ELF4: variants seen among roughly 807,000 people sequenced by gnomAD.
The protein encoded by ELF4 is E74 like ETS transcription factor 4, also known as ETS-related transcription factor Elf-4.
A neutral mutation model predicts 31.7 loss-of-function variants in ELF4; 10 were observed. The observed-to-expected ratio is 0.32, with a 90% confidence interval of 0.19 to 0.54. The LOEUF (loss-of-function observed/expected upper bound fraction) is 0.54. ELF4 is among the 20% of genes least tolerant of loss of function. The pLI is 0.95. For missense variants in ELF4, 418 were observed against 522.0 expected (o/e 0.80, Z 1.94); for synonymous variants, 208 against 226.7 (o/e 0.92, Z 0.74).
At chrX:130,078,760 TCTAC>T (rs750951624) in intron 2 of ELF4, among the ~76,000 whole-genome samples, 24 of 76,450 alleles carry the variant, frequency 3.1e-4, no homozygotes, top group Non-Finnish European at 5.5e-4. Flanking sequence ...TCTCTCTCTC[TCTAC>T]ACACACACAC....
At chrX:130,068,303 C>A (rs1405453098) in intron 8 of ELF4, among the ~76,000 whole-genome samples, 1 of 112,026 alleles carries the variant, frequency 8.9e-6, no homozygotes, top group Non-Finnish European at 1.9e-5. Flanking sequence ...ACCAGCCATA[C>A]CTATGTTATC....
At chrX:130,068,645 T>C (rs1008349344) in intron 8 of ELF4, among the ~76,000 whole-genome samples, 27 of 112,768 alleles carry the variant, frequency 2.4e-4, no homozygotes, top group African/African-American at 8.4e-4. Flanking sequence ...TGAGAAGTAG[T>C]TGGAGCTAGC....
chrX:130,088,036 G>A (rs1214930395), intron 1 of ELF4, among the ~76,000 whole-genome samples: 1 of 110,908 alleles, frequency 9.0e-6, no homozygotes, highest in African/African-American at 3.3e-5. Context: ...TATGGAAAGC[G>A]ACTGTGAGTT....
intron 1 of ELF4, among the ~76,000 whole-genome samples, chrX:130,107,083 C>T (rs994793623): frequency 1.8e-5 from 2 of 111,499 alleles, no homozygotes; most frequent in African/African-American, 6.5e-5. Context: ...CAAGACCAGC[C>T]TGGCCAACAT....
chrX:130,107,589 G>A (rs987520167), intron 1 of ELF4, among the ~76,000 whole-genome samples: 3 of 112,236 alleles, frequency 2.7e-5, no homozygotes, highest in African/African-American at 9.7e-5. Context: ...CGGAAGGCAG[G>A]TGGTGTCTTC....
Position 130,066,418 on chromosome X carries a change from G to A in ELF4, c.*303C>T, listed in dbSNP as rs1395961509. 3 of 351,348 alleles carry A rather than the reference G, an allele frequency of 8.5e-6. No individual in the cohort carries two copies. The highest frequency in any genetic ancestry group is 1.5e-5 in the Non-Finnish European group (3 of 201,884). 29.0% of individuals were successfully genotyped at this position (351,348 alleles called of 1,213,427 possible). On this transcript the variant is annotated 3_prime_UTR_variant, in exon 9 of 9. Coordinates refer to ENST00000308167, the MANE Select transcript of ELF4 (RefSeq NM_001421.4). The stretch of plus-strand genomic sequence containing the variant: ...GTAGAAGGGCTCTTCTCACAAAGCT[G>A]CTGCACAAACCCTGGCCACAAACTT...
intron 2 of ELF4, 55 bp downstream of exon 2, chrX:130,081,201 G>A: frequency 8.5e-7 from 1 of 1,178,201 alleles, no homozygotes; most frequent in Middle Eastern, 2.7e-4. Context: ...CTGGCTGTCT[G>A]TGTCTATCTG....
upstream of ELF4, chrX:130,110,523 G>A (rs1338436352): frequency 9.3e-6 from 1 of 107,880 alleles, no homozygotes; most frequent in African/African-American, 3.4e-5. Flanking sequence ...CGCCCGGTCG[G>A]TCCCCGCGGC....
rs760155700 is a variant in ELF4 at position 130,110,313 on chromosome X, C to G, written c.-210+12G>C. ...TCCCCCAAGGCTCGAAGAACCGGCG[C>G]CATCGACGTACCTGAGGCCGAGTGG... On this transcript the variant is annotated intron_variant, in intron 1 of 8. Coordinates refer to ENST00000308167, the MANE Select transcript of ELF4 (RefSeq NM_001421.4). 3.7e-4 allele frequency: 41 copies of G among 110,162 alleles called. No individual in the cohort carries two copies. Among genetic ancestry groups the G allele is most frequent in the African/African-American group, 1.2e-3 (38 of 30,438 alleles). 9.1% of individuals were successfully genotyped at this position (110,162 alleles called of 1,213,427 possible). A position where few individuals can be genotyped will look rare whatever the true frequency, so the allele number is the denominator to read the frequency against.
intron 5 of ELF4, 122 bp from the exon 6 acceptor site, chrX:130,071,541 T>A: frequency 1.5e-6 from 1 of 662,579 alleles, no homozygotes; most frequent in Non-Finnish European, 2.4e-6. Context: ...AGGCCCCAGA[T>A]CGCTCTCCAC....
chrX:130,084,485 C>T (rs1368437738), intron 1 of ELF4, among the ~76,000 whole-genome samples: 2 of 112,019 alleles, frequency 1.8e-5, no homozygotes, highest in East Asian at 5.6e-4. Flanking sequence ...AGACGATTCC[C>T]AGGGCATTCT....
chrX:130,070,343 T>C (rs560099276), intron 7 of ELF4, among the ~76,000 whole-genome samples: 19 of 110,566 alleles, frequency 1.7e-4, no homozygotes, highest in Middle Eastern at 4.6e-3. Flanking sequence ...GAGGCCGAGG[T>C]GGGCAGATCA....
At chrX:130,111,337 A>G (rs892426154), upstream of ELF4, among the ~76,000 whole-genome samples, 15 of 112,555 alleles carry the variant, frequency 1.3e-4, no homozygotes, top group African/African-American at 4.8e-4. Flanking sequence ...GGACTCGGGA[A>G]GGTTTCGTCC....
chrX:130,103,219 C>T (rs930749039), intron 1 of ELF4, among the ~76,000 whole-genome samples: 2 of 111,749 alleles, frequency 1.8e-5, no homozygotes, highest in Non-Finnish European at 3.8e-5. Context: ...TTGCTAAAGT[C>T]AAAAGACACT....
intron 2 of ELF4, among the ~76,000 whole-genome samples, chrX:130,077,049 A>G (rs1307105874): frequency 9.0e-6 from 1 of 111,397 alleles, no homozygotes; most frequent in Non-Finnish European, 1.9e-5. Context: ...AATGGATCTC[A>G]GTGAGGACAG....
chrX:130,090,382 A>G (rs772921321), intron 1 of ELF4, among the ~76,000 whole-genome samples: 32 of 109,570 alleles, frequency 2.9e-4, no homozygotes, highest in East Asian at 1.4e-3. Context: ...CAAAAAAAAA[A>G]AAGAAGAAGA....
intron 1 of ELF4, among the ~76,000 whole-genome samples, chrX:130,099,510 G>A (rs1933208817): frequency 9.0e-6 from 1 of 110,832 alleles, no homozygotes; most frequent in Non-Finnish European, 1.9e-5. Context: ...GAAAGTGGAG[G>A]TTGCAGTGAG....
chrX:130,072,248 C>T lies in ELF4; in HGVS notation c.510G>A (p.Lys170=). The part of the protein sequence containing the change: ...EKASREESAK[K]TGKSKKRIRK... ...TACTTCTCTTCTTTGATTTCCCAGT[C>T]TTCTTGGCACTTTCCTCTCTGGAGG... Residue 170 remains lysine (K), a synonymous_variant, in exon 5 of 9, where the codon AAG becomes AAA. Transcript: ENST00000308167. 1 of 1,211,642 alleles carries T rather than the reference C, an allele frequency of 8.3e-7. No homozygotes were observed. The highest frequency in any genetic ancestry group is 1.1e-6 in the Non-Finnish European group (1 of 895,411).
intron 1 of ELF4, among the ~76,000 whole-genome samples, chrX:130,100,552 GCTC>G (rs1933235286): frequency 9.0e-6 from 1 of 111,475 alleles, no homozygotes; most frequent in Non-Finnish European, 1.9e-5. Flanking sequence ...TGCCTTTGCT[GCTC>G]CTTTTTGGCT....
Sources: gnomAD v4.1 joint callset for allele counts (sites outside exome capture counted in the v4.1 genomes callset) on GRCh38, gnomAD v4.1.1 for gene constraint, MANE v1.5 for transcripts, NCBI Gene and HGNC (gene_info 2026-07-23, HGNC 2026-07-21) for gene names.